The following SHBG variants were observed in gnomAD, a reference collection of about 807,000 sequenced individuals.
SHBG encodes sex hormone-binding globulin.
SHBG carries 37 observed loss-of-function variants against 41.9 expected under a neutral mutation model. The ratio of observed to expected loss-of-function variants is 0.88; its 90% CI spans 0.68 to 1.16. The LOEUF (loss-of-function observed/expected upper bound fraction) is 1.16. Ranked by LOEUF, SHBG falls within the 50% of genes most tolerant of loss-of-function variation. SHBG has a pLI of 0.00. For missense variants in SHBG, 466 were observed against 499.9 expected (o/e 0.93, Z 0.65); for synonymous variants, 217 against 205.8 (o/e 1.05, Z -0.47).
chr17:7,616,675 C>A lies in SHBG; in HGVS notation c.-62+2564C>A, dbSNP rs538431747. Among the ~76,000 whole-genome samples the A allele has an allele frequency of 1.1e-3, 156 of 147,986 alleles. 1 individual carries two copies. Among genetic ancestry groups the A allele is most frequent in the African/African-American group, 3.7e-3 (148 of 40,040 alleles). On this transcript the variant is annotated intron_variant, in intron 1 of 5. Coordinates refer to the SHBG transcript ENST00000570547. ...AATAGTGGCCCGGCGCGGTGGCTCA[C>A]GCCTGTAATCCCAGCACTTTGGGAG...
At position 7,630,988 on chromosome 17, in the gene SHBG, C is replaced by T; in HGVS notation, c.393+119C>T. ...CATCTCGTTTAATCCACACGAACCC[C>T]CACAAAGTAGCTATTCTTGGCCCCA... is the stretch of plus-strand genomic sequence containing the variant. On this transcript the variant is annotated intron_variant, in intron 3 of 7. Transcript: ENST00000380450. This position sits in a 1 kb window ranked among gnomAD's most constrained non-coding sequence, Gnocchi z 4.6. The T allele has an allele frequency of 9.7e-7, 1 of 1,033,012 alleles. No homozygotes were observed. Among genetic ancestry groups the T allele is most frequent in the East Asian group, 2.6e-5 (1 of 39,078 alleles). 64.0% of individuals were successfully genotyped at this position (1,033,012 alleles called of 1,614,324 possible). A position where few individuals can be genotyped will look rare whatever the true frequency, so the allele number is the denominator to read the frequency against.
At chr17:7,621,793 G>A (rs1311062815) in intron 1 of SHBG, among the ~76,000 whole-genome samples, 21 of 151,752 alleles carry the variant, frequency 1.4e-4, no homozygotes, top group Admixed American at 1.3e-3. Flanking sequence ...CAAAGAGTGA[G>A]AACTTTGCAA....
At chr17:7,625,497 A>C (rs1164474273), upstream of SHBG, among the ~76,000 whole-genome samples, 1 of 152,030 alleles carries the variant, frequency 6.6e-6, no homozygotes. Flanking sequence ...GAATGGTGAG[A>C]ACCCAAGAGG....
Position 7,631,668 on chromosome 17 carries a change from C to A in SHBG, c.635C>A (p.Thr212Asn). The A allele has an allele frequency of 6.2e-7, 1 of 1,614,134 alleles. No individual in the cohort carries two copies. The highest frequency in any genetic ancestry group is 8.5e-7 in the Non-Finnish European group (1 of 1,179,952). Reference protein sequence around the residue: ...KQAEISASAPTSLRSCDVESN... With the variant: ...KQAEISASAPNSLRSCDVESN... ...GCCGAGATCTCAGCATCTGCCCCCA[C>A]TAGCCTCAGAAGCTGTGATGTAGAA... Residue 212 changes from threonine to asparagine, a missense_variant, in exon 5 of 8, where the codon ACT becomes AAT. Coordinates refer to ENST00000380450, the MANE Select transcript of SHBG (RefSeq NM_001040.5).
chr17:7,628,283 A>G (rs527939846), upstream of SHBG: 114 of 214,204 alleles, frequency 5.3e-4, no homozygotes, highest in African/African-American at 2.5e-3. Context: ...TTATTTTTGG[A>G]GATGGTGTAT....
At chr17:7,623,036 CAAA>C (rs34479809), upstream of SHBG, among the ~76,000 whole-genome samples, 4 of 131,192 alleles carry the variant, frequency 3.0e-5, no homozygotes, top group East Asian at 2.2e-4. Context: ...GACTCCGTCT[CAAA>C]AAAAAAAAAA....
upstream of SHBG, chr17:7,626,674 C>T: frequency 1.2e-6 from 2 of 1,611,674 alleles, no homozygotes; most frequent in Non-Finnish European, 8.5e-7. Context: ...TTTTCTCACT[C>T]CCTCTTTCAA....
rs759268856 is a variant in SHBG at position 7,630,157 on chromosome 17, T to A, written c.-16T>A. ...CCCAAGAGTTGTCTGAGCCGCCGAG[T>A]GGACAGTGGCTGATTATGGAGAGCA... On this transcript the variant is annotated 5_prime_UTR_variant, in exon 1 of 8. Coordinates refer to ENST00000380450, the MANE Select transcript of SHBG (RefSeq NM_001040.5). This position sits in a 1 kb window ranked among gnomAD's most constrained non-coding sequence, Gnocchi z 4.6. 17 of 1,604,602 alleles carry A rather than the reference T, an allele frequency of 1.1e-5. No individual in the cohort carries two copies. The South Asian group carries it at 1.9e-4, about 18-fold the overall frequency.
intron 5 of SHBG, 42 bp downstream of exon 5, chr17:7,631,790 C>G (rs552654688): frequency 6.2e-7 from 1 of 1,613,278 alleles, no homozygotes; most frequent in African/African-American, 1.3e-5. Context: ...CTGGCCAGCT[C>G]AGCCTGCCTC....
chr17:7,632,820 G>A lies in SHBG; in HGVS notation c.921G>A (p.Gln307=). The change falls in exon 7 of 8, where the codon CAG becomes CAA. Residue 307 remains glutamine (Q), a synonymous_variant. Coordinates refer to ENST00000380450, the MANE Select transcript of SHBG (RefSeq NM_001040.5). ...CCCTGGTCTTGGGACTCCCTCTTCA[G>A]CTGAAGCTGAGTATGTCCAGGGTGG... ...DLPLVLGLPL[Q]LKLSMSRVVL... 6.2e-7 allele frequency: 1 copy of A among 1,614,178 alleles called. No homozygotes were observed. Among genetic ancestry groups the A allele is most frequent in the South Asian group, 1.1e-5 (1 of 91,084 alleles).
intron 1 of SHBG, among the ~76,000 whole-genome samples, chr17:7,621,118 A>ACCAGCTGC (rs1404867429): frequency 7.2e-6 from 1 of 138,600 alleles, no homozygotes. Context: ...AAAAAAAAAA[A>ACCAGCTGC]AAAAATCAAG....
chr17:7,627,257 A>G (rs1597908741), upstream of SHBG: 4 of 1,613,590 alleles, frequency 2.5e-6, no homozygotes, highest in Admixed American at 6.7e-5. The surrounding 1 kb of genome is among the most constrained non-coding windows in gnomAD (Gnocchi z 4.8). Context: ...ACAAAGAGAT[A>G]GAGAAAGAGG....
chr17:7,627,008 A>T (rs779410259), upstream of SHBG: 25 of 1,613,820 alleles, frequency 1.5e-5, no homozygotes, highest in South Asian at 9.9e-5. The surrounding 1 kb of genome is among the most constrained non-coding windows in gnomAD (Gnocchi z 4.8). Flanking sequence ...TGTACTGTAG[A>T]TGAAATAGTA....
chr17:7,626,149 G>A (rs1405400543), upstream of SHBG: 1 of 246,570 alleles, frequency 4.1e-6, no homozygotes, highest in South Asian at 5.8e-5. Context: ...AGCGGAGTTC[G>A]CACCACTGCA....
upstream of SHBG, chr17:7,626,163 C>G (rs1427730578): frequency 1.4e-4 from 39 of 288,008 alleles, 3 homozygotes; most frequent in South Asian, 1.8e-3. Context: ...CACTGCACTC[C>G]AGCGTGCGCG....
chr17:7,631,374 C>T lies in SHBG; in HGVS notation c.555+13C>T, dbSNP rs750456199. 2 of 1,611,286 alleles carry T rather than the reference C, an allele frequency of 1.2e-6. No individual in the cohort carries two copies. Among genetic ancestry groups the T allele is most frequent in the Non-Finnish European group, 1.7e-6 (2 of 1,179,060 alleles). ...CCTTCGGTTGCCGGTAACTACACCC[C>T]AGGGGTGGAACCCTAGCCAAGACTT... On this transcript the variant is annotated intron_variant, in intron 4 of 7. Transcript: ENST00000380450.
At chr17:7,629,799 C>T (rs1354009944), upstream of SHBG, among the ~76,000 whole-genome samples, 1 of 152,164 alleles carries the variant, frequency 6.6e-6, no homozygotes, top group Non-Finnish European at 1.5e-5. Context: ...ACTTGGGACG[C>T]AGGGGAGGAC....
upstream of SHBG, chr17:7,628,175 T>C: frequency 2.2e-6 from 1 of 456,792 alleles, no homozygotes; most frequent in Non-Finnish European, 4.4e-6. Context: ...CCCTCAGCTC[T>C]GAAAGCTGTT....
chr17:7,632,100 G>A lies in SHBG; in HGVS notation c.852+85G>A, dbSNP rs2072437427. On this transcript the variant is annotated intron_variant, in intron 6 of 7. Coordinates refer to ENST00000380450, the MANE Select transcript of SHBG (RefSeq NM_001040.5). ...AGGGGAGTCCAACATGTCAATATTAGGAAGGTTTCCAGCCCAGGGAACATA... is the reference window on the plus strand; with the variant it reads ...AGGGGAGTCCAACATGTCAATATTAAGAAGGTTTCCAGCCCAGGGAACATA... The A allele has an allele frequency of 4.2e-6, 6 of 1,417,872 alleles. No homozygotes were observed. The East Asian group carries it at 1.1e-4, about 27-fold the overall frequency. The allele number at this position is 1,417,872 out of a possible 1,614,324, so 87.8% of individuals were successfully genotyped here.
Sources: allele counts gnomAD v4.1 joint callset (sites outside exome capture counted in the v4.1 genomes callset), GRCh38; gene constraint gnomAD v4.1.1; non-coding constraint Gnocchi (gnomAD v3.1); transcripts MANE v1.5; gene names NCBI Gene and HGNC (gene_info 2026-07-23, HGNC 2026-07-21).